Variants in DGKD observed in about 807,000 individuals in gnomAD.
DGKD encodes the protein diacylglycerol kinase delta.
DGKD carries 68 observed loss-of-function variants against 154.4 expected under a neutral mutation model. The observed-to-expected ratio is 0.44, with a 90% CI of 0.36 to 0.54. The LOEUF (loss-of-function observed/expected upper bound fraction) is 0.54. Among genes scored for constraint, DGKD ranks in the 20% least tolerant of loss-of-function variants. DGKD has a pLI of 0.00. For missense variants in DGKD, 1,343 were observed against 1,593.6 expected (o/e 0.84, Z 2.68); for synonymous variants, 693 against 638.0 (o/e 1.09, Z -1.30).
intron 1 of DGKD, among the ~76,000 whole-genome samples, chr2:233,364,549 A>G (rs1701934525): frequency 6.6e-6 from 1 of 152,208 alleles, no homozygotes; most frequent in Non-Finnish European, 1.5e-5. Flanking sequence ...TTCCAGGAAG[A>G]AGAACAAAGA....
chr2:233,462,248 C>A, intron 24 of DGKD, 100 bp from the exon 25 acceptor site: 1 of 929,190 alleles, frequency 1.1e-6, no homozygotes, highest in Non-Finnish European at 1.6e-6. Flanking sequence ...CCCTCCACAT[C>A]AGCCCTCCAG....
intron 1 of DGKD, among the ~76,000 whole-genome samples, chr2:233,378,305 A>G (rs1049184398): frequency 6.6e-6 from 1 of 151,554 alleles, no homozygotes; most frequent in Admixed American, 6.6e-5. Context: ...CCAGCTACTC[A>G]GGAGGCTGAG....
chr2:233,355,225 T>A (rs776382422), intron 1 of DGKD, among the ~76,000 whole-genome samples: 1 of 152,120 alleles, frequency 6.6e-6, no homozygotes, highest in African/African-American at 2.4e-5. Context: ...AAGGAAGGGA[T>A]GCGCGTTCAG....
chr2:233,462,274 T>C, intron 24 of DGKD, 74 bp from the exon 25 acceptor site: 1 of 1,241,548 alleles, frequency 8.1e-7, no homozygotes, highest in Non-Finnish European at 1.2e-6. Context: ...ACCTGGGCCG[T>C]GTTCAGATGC....
Position 233,389,465 on chromosome 2 carries a change from G to A in DGKD, c.268-938G>A, listed in dbSNP as rs185788466. 1.2e-3 allele frequency among the ~76,000 whole-genome samples: 185 copies of A among 151,874 alleles called. 1 individual carries two copies. Among genetic ancestry groups the A allele is most frequent in the Non-Finnish European group, 2.0e-3 (139 of 67,992 alleles). ...TATTTTGGTATTTAAGAAATCTGGA[G>A]TCTGAATAATTTACATTTTGAGACA... On this transcript the variant is annotated intron_variant, in intron 2 of 29. Transcript: ENST00000264057.
chr2:233,439,549 A>G (rs776255742), intron 9 of DGKD, among the ~76,000 whole-genome samples: 5 of 152,176 alleles, frequency 3.3e-5, no homozygotes, highest in Non-Finnish European at 7.4e-5. Context: ...AGGCTGATCA[A>G]GATATTTTAA....
chr2:233,441,809 C>T lies in DGKD; in HGVS notation c.1086-78C>T, dbSNP rs1039594264. On this transcript the variant is annotated intron_variant, in intron 9 of 29. Transcript: ENST00000264057. This position sits in a 1 kb window ranked among gnomAD's most constrained non-coding sequence, Gnocchi z 5.6. ...CAGCCATGAGGAGCACAGGTGGCCCCTCAGCCCCGTACTGACAAGCCTGTC... is the reference window on the plus strand; with the variant it reads ...CAGCCATGAGGAGCACAGGTGGCCCTTCAGCCCCGTACTGACAAGCCTGTC... 1.4e-6 allele frequency: 2 copies of T among 1,415,390 alleles called. No individual in the cohort carries two copies. The highest frequency in any genetic ancestry group is 2.0e-6 in the Non-Finnish European group (2 of 1,017,880). The allele number at this position is 1,415,390 out of a possible 1,614,324, so 87.7% of individuals were successfully genotyped here. A position where few individuals can be genotyped will look rare whatever the true frequency, so the allele number is the denominator to read the frequency against.
intron 11 of DGKD, 67 bp from the exon 12 acceptor site, chr2:233,446,645 C>T (rs182299790): frequency 7.1e-5 from 108 of 1,511,734 alleles, no homozygotes; most frequent in Admixed American, 6.0e-4. Context: ...TGAAAGCGGA[C>T]GGCGCAGGGT....
chr2:233,409,962 A>G (rs542717405), intron 3 of DGKD, among the ~76,000 whole-genome samples: 84 of 152,190 alleles, frequency 5.5e-4, no homozygotes, highest in African/African-American at 2.0e-3. Context: ...TGGACTTCAT[A>G]CAGAAAAGTC....
At chr2:233,414,636 T>G (rs1366501163) in intron 3 of DGKD, among the ~76,000 whole-genome samples, 3 of 152,252 alleles carry the variant, frequency 2.0e-5, no homozygotes, top group Admixed American at 6.5e-5. Flanking sequence ...TCCTGGGTCC[T>G]GTGGTACAGG....
intron 7 of DGKD, among the ~76,000 whole-genome samples, chr2:233,437,051 C>T (rs1366336196): frequency 1.3e-5 from 2 of 152,218 alleles, no homozygotes; most frequent in African/African-American, 4.8e-5. Context: ...CACATGGCCC[C>T]AGGAGCCCTC....
At position 233,445,900 on chromosome 2, in the gene DGKD, T is replaced by G; in HGVS notation, c.1334+138T>G. The G allele has an allele frequency of 4.9e-4, 443 of 912,074 alleles. No homozygotes were observed. Among genetic ancestry groups the G allele is most frequent in the Non-Finnish European group, 5.2e-4 (333 of 645,696 alleles). The allele number at this position is 912,074 out of a possible 1,614,324, so 56.5% of individuals were successfully genotyped here. ...TGTAAAGATTTGACCTGAGTATATATTCGGATAGTCTTTGATATTTGGTCA... is the reference window on the plus strand; with the variant it reads ...TGTAAAGATTTGACCTGAGTATATAGTCGGATAGTCTTTGATATTTGGTCA... On this transcript the variant is annotated intron_variant, in intron 11 of 29. Coordinates refer to ENST00000264057, the MANE Select transcript of DGKD (RefSeq NM_152879.3). The surrounding 1 kb of genome is among the most constrained non-coding windows in gnomAD (Gnocchi z 5.5).
chr2:233,455,261 G>A (rs1257805003), intron 19 of DGKD, among the ~76,000 whole-genome samples: 4 of 152,184 alleles, frequency 2.6e-5, no homozygotes, highest in African/African-American at 9.7e-5. Context: ...ACCCTAGCTG[G>A]CCCTCCCCCA....
intron 3 of DGKD, chr2:233,392,388 T>C (rs961141663): frequency 1.3e-5 from 2 of 152,242 alleles, no homozygotes; most frequent in African/African-American, 4.8e-5. Flanking sequence ...ATAAAAAAAT[T>C]ATTCTTGGTA....
In DGKD at chr2:233,441,865, G is replaced by A. The variant is rs902952731; in HGVS notation, c.1086-22G>A. The stretch of plus-strand genomic sequence containing the variant: ...TCCTGTGGAATGGATGTCATTTCAC[G>A]GCCTTTCTCTTTTCTCTGCAGCTTA... On this transcript the variant is annotated intron_variant, in intron 9 of 29. Transcript: ENST00000264057. This position sits in a 1 kb window ranked among gnomAD's most constrained non-coding sequence, Gnocchi z 5.6. 1.2e-5 allele frequency: 20 copies of A among 1,605,274 alleles called. No individual in the cohort carries two copies. Among genetic ancestry groups the A allele is most frequent in the Non-Finnish European group, 1.7e-5 (20 of 1,173,356 alleles).
intron 23 of DGKD, 123 bp from the exon 24 acceptor site, chr2:233,460,069 TAA>T (rs780838849): frequency 4.0e-3 from 5,402 of 1,340,880 alleles, no homozygotes; most frequent in South Asian, 0.014. Flanking sequence ...CCCCTAATGT[TAA>T]AAAAAAAAAA....
In DGKD at chr2:233,449,175, C is replaced by G. The variant is rs2063183598; in HGVS notation, c.1687C>G (p.Leu563Val). The G allele has an allele frequency of 6.2e-7, 1 of 1,613,594 alleles. No homozygotes were observed. Among genetic ancestry groups the G allele is most frequent in the Admixed American group, 1.7e-5 (1 of 60,014 alleles). ...CGATGAGTCCCAGGCCTCGTCCTCT[C>G]TGCCCAACCCGCCCCCCACCATTGC... ...LDDESQASSS[L>V]PNPPPTIAEE... is the part of the protein sequence containing the mutation. The change falls in exon 15 of 30, where the codon CTG becomes GTG. Residue 563 changes from leucine (L) to valine (V), a missense_variant. Coordinates refer to ENST00000264057, the MANE Select transcript of DGKD (RefSeq NM_152879.3). The surrounding 1 kb of genome is among the most constrained non-coding windows in gnomAD (Gnocchi z 5.3).
chr2:233,398,346 A>C lies in DGKD; in HGVS notation c.348+7863A>C, dbSNP rs1217766201. 8.6e-5 allele frequency among the ~76,000 whole-genome samples: 13 copies of C among 151,664 alleles called. No homozygotes were observed. In the East Asian group the frequency reaches 1.6e-3, roughly 18 times the overall value. On this transcript the variant is annotated intron_variant, in intron 3 of 29. Transcript: ENST00000264057. ...ATTTTTAGTAGAGACGGGGTTTCAC[A>C]GCGTTAGCCAGGATGGTCTCGATCT... is the stretch of plus-strand genomic sequence containing the variant.
intron 12 of DGKD, 25 bp downstream of exon 12, chr2:233,446,821 C>A (rs370262428): frequency 6.2e-7 from 1 of 1,612,892 alleles, no homozygotes; most frequent in Non-Finnish European, 8.5e-7. Context: ...TTCTTCACAC[C>A]CTGCTCGCAT....
Sources: allele counts gnomAD v4.1 joint callset (sites outside exome capture counted in the v4.1 genomes callset), GRCh38; gene constraint gnomAD v4.1.1; non-coding constraint Gnocchi (gnomAD v3.1); transcripts MANE v1.5; gene names NCBI Gene and HGNC (gene_info 2026-07-23, HGNC 2026-07-21).